SMYD3: variants seen among roughly 807,000 people sequenced by gnomAD.
The protein encoded by SMYD3 is SET and MYND domain containing 3.
SMYD3 carries 36 observed loss-of-function variants against 57.7 expected under a neutral mutation model. The ratio of observed to expected loss-of-function variants is 0.62; its 90% CI spans 0.48 to 0.82. The LOEUF is 0.82. SMYD3 is among the 40% of genes least tolerant of loss of function. The pLI, the probability that SMYD3 is intolerant of heterozygous loss-of-function variation, is 0.00. For synonymous variants in SMYD3, 211 were observed against 195.0 expected (o/e 1.08, Z -0.68); for missense variants, 515 against 538.8 (o/e 0.96, Z 0.44).
At chr1:245,934,506 T>A (rs2056896422) in intron 5 of SMYD3, among the ~76,000 whole-genome samples, 1 of 152,190 alleles carries the variant, frequency 6.6e-6, no homozygotes, top group East Asian at 1.9e-4. Flanking sequence ...TCCTTATCTG[T>A]ATGGCAAATA....
intron 10 of SMYD3, among the ~76,000 whole-genome samples, chr1:245,814,835 CACACACAT>C (rs2048699836): frequency 6.6e-6 from 1 of 151,118 alleles, no homozygotes; most frequent in Admixed American, 6.6e-5. Flanking sequence ...CGCACACACG[CACACACAT>C]GCACGCACAC....
At chr1:246,110,526 T>C (rs2061215213) in intron 5 of SMYD3, among the ~76,000 whole-genome samples, 1 of 152,194 alleles carries the variant, frequency 6.6e-6, no homozygotes, top group African/African-American at 2.4e-5. Flanking sequence ...TGGCTCTCTC[T>C]CCCTTTGGGG....
At chr1:246,105,864 ATT>A (rs2147955028) in intron 5 of SMYD3, among the ~76,000 whole-genome samples, 1 of 152,310 alleles carries the variant, frequency 6.6e-6, no homozygotes, top group South Asian at 2.1e-4. Context: ...CTGCCAACTC[ATT>A]TCCAAAACAT....
intron 5 of SMYD3, among the ~76,000 whole-genome samples, chr1:246,088,875 A>C (rs995707258): frequency 6.6e-6 from 1 of 152,234 alleles, no homozygotes; most frequent in Non-Finnish European, 1.5e-5. Flanking sequence ...GTACATACAC[A>C]CACATATATA....
chr1:246,287,219 A>G (rs2064586591), intron 5 of SMYD3, among the ~76,000 whole-genome samples: 1 of 152,242 alleles, frequency 6.6e-6, no homozygotes. Context: ...TTTCATGAAT[A>G]TCAATTGATC....
chr1:246,154,124 C>T (rs1379660866), intron 5 of SMYD3, among the ~76,000 whole-genome samples: 1 of 152,202 alleles, frequency 6.6e-6, no homozygotes, highest in Non-Finnish European at 1.5e-5. Context: ...ATAGCTTTGG[C>T]TATATCCACT....
chr1:245,864,010 T>C, intron 8 of SMYD3, 124 bp from the exon 9 acceptor site: 3 of 800,874 alleles, frequency 3.7e-6, no homozygotes, highest in Non-Finnish European at 6.1e-6. Flanking sequence ...GCATCATTTA[T>C]CATCAGGGAA....
chr1:246,476,191 A>G (rs2068028517), intron 1 of SMYD3, among the ~76,000 whole-genome samples: 1 of 152,196 alleles, frequency 6.6e-6, no homozygotes, highest in African/African-American at 2.4e-5. Flanking sequence ...CTAATGGAGT[A>G]CTTCCTACGA....
At chr1:246,122,169 G>A (rs1036589703) in intron 5 of SMYD3, among the ~76,000 whole-genome samples, 2 of 152,174 alleles carry the variant, frequency 1.3e-5, no homozygotes, top group African/African-American at 4.8e-5. Context: ...CAGCACTTTG[G>A]GAGGCAGAGG....
intron 1 of SMYD3, among the ~76,000 whole-genome samples, chr1:246,462,786 G>C (rs899980311): frequency 6.6e-6 from 1 of 152,042 alleles, no homozygotes; most frequent in East Asian, 1.9e-4. Context: ...TAAGAAATGA[G>C]AATTAAGAAA....
chr1:246,451,179 C>CAATA (rs1401082351), intron 1 of SMYD3, among the ~76,000 whole-genome samples: 2 of 152,156 alleles, frequency 1.3e-5, no homozygotes, highest in Non-Finnish European at 2.9e-5. Flanking sequence ...TGCTGGCCTT[C>CAATA]AATAAATATC....
chr1:245,938,681 T>G (rs1191708789), intron 5 of SMYD3, among the ~76,000 whole-genome samples: 1 of 152,160 alleles, frequency 6.6e-6, no homozygotes, highest in African/African-American at 2.4e-5. Context: ...GATACACAAA[T>G]CAGACTGGTG....
intron 10 of SMYD3, among the ~76,000 whole-genome samples, chr1:245,776,317 C>T (rs370213065): frequency 2.6e-5 from 4 of 151,864 alleles, no homozygotes; most frequent in African/African-American, 7.3e-5. Flanking sequence ...AGGGATTTAA[C>T]GATCTCAAAG....
At chr1:246,408,645 C>T (rs536750857) in intron 1 of SMYD3, among the ~76,000 whole-genome samples, 1 of 151,110 alleles carries the variant, frequency 6.6e-6, no homozygotes, top group South Asian at 2.1e-4. Flanking sequence ...CATCCTAATC[C>T]CTATCTCAGA....
chr1:245,765,217 C>T (rs1296691806), intron 10 of SMYD3, among the ~76,000 whole-genome samples: 4 of 117,776 alleles, frequency 3.4e-5, no homozygotes, highest in African/African-American at 1.6e-4. Context: ...AAAACCCTTT[C>T]TCTATTAAAA....
At chr1:246,459,532 T>C (rs973754274) in intron 1 of SMYD3, among the ~76,000 whole-genome samples, 1 of 152,212 alleles carries the variant, frequency 6.6e-6, no homozygotes, top group Non-Finnish European at 1.5e-5. Flanking sequence ...CCCCCTTCAC[T>C]CTCTCCTGCT....
intron 5 of SMYD3, among the ~76,000 whole-genome samples, chr1:246,190,383 G>A (rs1194665162): frequency 5.8e-4 from 88 of 152,038 alleles, no homozygotes; most frequent in Non-Finnish European, 1.3e-4. Context: ...TCAGGAGTTC[G>A]AGACCAGTCT....
At chr1:245,801,782 T>C (rs575896906) in intron 10 of SMYD3, among the ~76,000 whole-genome samples, 52 of 149,370 alleles carry the variant, frequency 3.5e-4, no homozygotes, top group African/African-American at 1.2e-3. Context: ...AAGCTAATAA[T>C]TGTATCAATA....
intron 5 of SMYD3, among the ~76,000 whole-genome samples, chr1:246,229,098 C>T (rs975381961): frequency 6.6e-6 from 1 of 152,058 alleles, no homozygotes; most frequent in Non-Finnish European, 1.5e-5. Context: ...ATGACTATTA[C>T]TCTAAATGTT....
Sources: allele counts gnomAD v4.1 joint callset (sites outside exome capture counted in the v4.1 genomes callset), GRCh38; gene constraint gnomAD v4.1.1; transcripts MANE v1.5; gene names NCBI Gene and HGNC (gene_info 2026-07-23, HGNC 2026-07-21).